CCDC171: variants seen among roughly 807,000 people sequenced by gnomAD.
CCDC171 encodes coiled-coil domain containing 171, also known as coiled-coil domain-containing protein 171.
In CCDC171, 177 loss-of-function variants were observed where a neutral mutation model predicts 168.2. The ratio of observed to expected loss-of-function variants is 1.05; its 90% CI spans 0.93 to 1.19. The LOEUF is 1.19. CCDC171 is among the 50% of genes most tolerant of loss of function. The pLI is 0.00. For missense variants in CCDC171, 1,991 were observed against 1,539.0 expected (o/e 1.29, Z -4.91); for synonymous variants, 687 against 540.8 (o/e 1.27, Z -3.75).
upstream of CCDC171, among the ~76,000 whole-genome samples, chr9:16,041,738 T>C (rs1002094474): frequency 2.0e-5 from 3 of 151,970 alleles, no homozygotes; most frequent in Non-Finnish European, 2.9e-5. Context: ...AAATACAGAG[T>C]TTAATATTGA....
At position 15,743,205 on chromosome 9, in the gene CCDC171, A is replaced by G. The variant is rs1230028722; in HGVS notation, c.2050-1068A>G. 1.6e-5 allele frequency among the ~76,000 whole-genome samples: 2 copies of G among 122,072 alleles called. 1 individual carries two copies. The highest frequency in any genetic ancestry group is 4.6e-4 in the East Asian group (2 of 4,318). The allele number at this position is 122,072 out of a possible 152,430, so 80.1% of individuals were successfully genotyped here. A position where few individuals can be genotyped will look rare whatever the true frequency, so the allele number is the denominator to read the frequency against. ...TTTTGAGACAGCGTCTTGCCCTGTT[A>G]CCCAGGCTGGAGTGCAGTGGCATAA... On this transcript the variant is annotated intron_variant, in intron 16 of 25. Coordinates refer to ENST00000380701, the MANE Select transcript of CCDC171 (RefSeq NM_173550.4).
intron 20 of CCDC171, among the ~76,000 whole-genome samples, chr9:15,783,163 T>C (rs1341912735): frequency 6.6e-6 from 1 of 152,200 alleles, no homozygotes; most frequent in East Asian, 1.9e-4. Flanking sequence ...TGAGTGCTTA[T>C]GTATTATGAT....
chr9:15,916,783 T>C (rs1484558926), intron 24 of CCDC171, among the ~76,000 whole-genome samples: 2 of 152,036 alleles, frequency 1.3e-5, no homozygotes, highest in Non-Finnish European at 2.9e-5. Context: ...TCCCTCGTCT[T>C]ATTACTGTCA....
chr9:15,619,721 T>G (rs532997637), intron 6 of CCDC171, among the ~76,000 whole-genome samples: 1 of 152,194 alleles, frequency 6.6e-6, no homozygotes, highest in African/African-American at 2.4e-5. Flanking sequence ...CAGATTTTCA[T>G]TGCAGACAAA....
At chr9:16,043,377 C>T (rs1021049545) in intron 1 of CCDC171, among the ~76,000 whole-genome samples, 6 of 151,966 alleles carry the variant, frequency 3.9e-5, no homozygotes, top group Non-Finnish European at 8.8e-5. Context: ...GCTACATTAC[C>T]AACATTTATT....
chr9:15,802,071 G>C (rs2058852583), intron 21 of CCDC171, among the ~76,000 whole-genome samples: 1 of 151,786 alleles, frequency 6.6e-6, no homozygotes. Flanking sequence ...ATATTGGCCT[G>C]TAGTTTTCTT....
intron 16 of CCDC171, among the ~76,000 whole-genome samples, chr9:15,740,171 C>T (rs2054767740): frequency 2.0e-5 from 3 of 151,948 alleles, no homozygotes; most frequent in Admixed American, 1.3e-4. Context: ...TCTGTGGTTT[C>T]ATTTTTTTTA....
intron 10 of CCDC171, among the ~76,000 whole-genome samples, chr9:15,685,109 G>A (rs139910361): frequency 1.3e-5 from 2 of 152,260 alleles, no homozygotes; most frequent in Non-Finnish European, 2.9e-5. Flanking sequence ...TAGAATTATA[G>A]CGTTTGTTGA....
Position 15,564,061 on chromosome 9 carries a change from G to A in CCDC171, c.-28G>A. 6.4e-7 allele frequency: 1 copy of A among 1,561,024 alleles called. No individual in the cohort carries two copies. Among genetic ancestry groups the A allele is most frequent in the Non-Finnish European group, 8.8e-7 (1 of 1,137,224 alleles). On this transcript the variant is annotated 5_prime_UTR_variant, in exon 2 of 26. Transcript: ENST00000380701. Reference sequence around the variant, plus strand: ...AGAAATATGTCATTAAGAAATAGCAGGGTATTTTGAAAGAGTTGGAAAACA... The same window carrying A: ...AGAAATATGTCATTAAGAAATAGCAAGGTATTTTGAAAGAGTTGGAAAACA...
intron 6 of CCDC171, among the ~76,000 whole-genome samples, chr9:16,026,666 C>T (rs10810517): frequency 0.38 from 58,396 of 152,002 alleles, 13,346 homozygotes; most frequent in East Asian, 0.73. Context: ...CCCCAACTTC[C>T]AGAGGCAGGA....
intron 16 of CCDC171, among the ~76,000 whole-genome samples, chr9:15,730,760 C>T (rs1288093509): frequency 4.0e-5 from 6 of 151,856 alleles, no homozygotes; most frequent in African/African-American, 1.4e-4. Flanking sequence ...AATGAATCAA[C>T]AAACGTGCCA....
intron 18 of CCDC171, among the ~76,000 whole-genome samples, chr9:15,746,466 G>A (rs1588265978): frequency 1.3e-5 from 2 of 152,170 alleles, no homozygotes; most frequent in East Asian, 3.8e-4. Flanking sequence ...CATATTTAAT[G>A]TATTGGCAGA....
chr9:15,577,817 G>A (rs1030542300), intron 3 of CCDC171, among the ~76,000 whole-genome samples: 1 of 152,178 alleles, frequency 6.6e-6, no homozygotes, highest in Non-Finnish European at 1.5e-5. Context: ...TATCCATAAG[G>A]ATTTGCAGCC....
intron 10 of CCDC171, among the ~76,000 whole-genome samples, 156 bp downstream of exon 10, chr9:15,679,052 C>T (rs535127325): frequency 6.6e-6 from 1 of 152,142 alleles, no homozygotes; most frequent in East Asian, 1.9e-4. Flanking sequence ...ATGCTGATTA[C>T]ATCAAAGATA....
Position 15,674,898 on chromosome 9 carries a change from C to G in CCDC171, c.1077-3860C>G, listed in dbSNP as rs1021208819. On this transcript the variant is annotated intron_variant, in intron 9 of 25. Coordinates refer to ENST00000380701, the MANE Select transcript of CCDC171 (RefSeq NM_173550.4). ...GGTCTGCTTGGTGCAGAGCTGAGTT[C>G]AAGTCCTGGATATCCTTGTTAACCT... Among the ~76,000 whole-genome samples the G allele has an allele frequency of 3.3e-5, 5 of 152,224 alleles. No homozygotes were observed. In the South Asian group the frequency reaches 1.0e-3, roughly 32 times the overall value.
chr9:15,837,117 A>T (rs1055804466), intron 21 of CCDC171, among the ~76,000 whole-genome samples: 1 of 152,134 alleles, frequency 6.6e-6, no homozygotes. Context: ...AGGTTTTTTA[A>T]GTATAAAAGA....
the CCDC171 span, among the ~76,000 whole-genome samples, chr9:16,099,554 A>C: frequency 6.6e-6 from 1 of 152,224 alleles, no homozygotes; most frequent in Non-Finnish European, 1.5e-5. Context: ...GAAAAATGCC[A>C]TGAGCTTCCC....
chr9:15,923,735 ATGTGT>A (rs1825599409), intron 25 of CCDC171, among the ~76,000 whole-genome samples: 1 of 151,510 alleles, frequency 6.6e-6, no homozygotes, highest in Non-Finnish European at 1.5e-5. Context: ...ATACTTGAAA[ATGTGT>A]TGTACATGAT....
intron 18 of CCDC171, among the ~76,000 whole-genome samples, chr9:15,749,491 C>T (rs1260455322): frequency 3.3e-5 from 5 of 152,138 alleles, no homozygotes; most frequent in Admixed American, 3.3e-4. Flanking sequence ...ATCTACAGAA[C>T]TCTCCACCCC....
Sources: allele counts gnomAD v4.1 joint callset (sites outside exome capture counted in the v4.1 genomes callset), GRCh38; gene constraint gnomAD v4.1.1; transcripts MANE v1.5; gene names NCBI Gene and HGNC (gene_info 2026-07-23, HGNC 2026-07-21).